ERG: variants seen among roughly 807,000 people sequenced by gnomAD.
ERG encodes the protein ETS transcription factor ERG.
A neutral mutation model predicts 55.3 loss-of-function variants in ERG; 9 were observed. That is an observed-to-expected ratio of 0.16 (90% CI 0.10 to 0.28). The LOEUF (loss-of-function observed/expected upper bound fraction) is 0.28. Ranked by LOEUF, ERG falls within the 10% of genes least tolerant of loss-of-function variation. The pLI is 1.00. For missense variants in ERG, 434 were observed against 631.6 expected (o/e 0.69, Z 3.35); for synonymous variants, 223 against 237.3 (o/e 0.94, Z 0.55).
chr21:38,435,418 T>A (rs1212936228), intron 2 of ERG, among the ~76,000 whole-genome samples: 1 of 152,226 alleles, frequency 6.6e-6, no homozygotes, highest in African/African-American at 2.4e-5. Context: ...ACCCCATGGC[T>A]GGAGCAGCGG....
At chr21:38,527,341 C>T (rs2059637290) in intron 2 of ERG, among the ~76,000 whole-genome samples, 1 of 152,214 alleles carries the variant, frequency 6.6e-6, no homozygotes, top group African/African-American at 2.4e-5. Flanking sequence ...GTATGTGCTA[C>T]GTCCTGGACC....
intron 1 of ERG, among the ~76,000 whole-genome samples, chr21:38,580,550 C>T (rs960706452): frequency 6.6e-6 from 1 of 152,082 alleles, no homozygotes; most frequent in African/African-American, 2.4e-5. Flanking sequence ...TTGTTTCTTG[C>T]AATAAACTCA....
At chr21:38,526,141 G>T (rs147987859) in intron 2 of ERG, among the ~76,000 whole-genome samples, 1 of 152,144 alleles carries the variant, frequency 6.6e-6, no homozygotes, top group Non-Finnish European at 1.5e-5. Context: ...AGGACCACTG[G>T]AGGATGAGGG....
At chr21:38,654,516 C>T (rs1379117150) in intron 1 of ERG, among the ~76,000 whole-genome samples, 1 of 152,214 alleles carries the variant, frequency 6.6e-6, no homozygotes, top group Non-Finnish European at 1.5e-5. Context: ...TTTGATACCT[C>T]AAGTAGTAAT....
At chr21:38,547,038 C>G (rs1301417254) in intron 2 of ERG, among the ~76,000 whole-genome samples, 1 of 152,136 alleles carries the variant, frequency 6.6e-6, no homozygotes, top group Non-Finnish European at 1.5e-5. Context: ...AGGTCACTTC[C>G]TGCCATTTCC....
chr21:38,564,828 A>T (rs1057377056), intron 2 of ERG, among the ~76,000 whole-genome samples: 1 of 151,956 alleles, frequency 6.6e-6, no homozygotes, highest in South Asian at 2.1e-4. Flanking sequence ...GCTCAACCCT[A>T]ATGCTCTTCT....
At chr21:38,606,001 A>G (rs2060194699) in intron 1 of ERG, among the ~76,000 whole-genome samples, 1 of 152,058 alleles carries the variant, frequency 6.6e-6, no homozygotes, top group Admixed American at 6.5e-5. Context: ...TACATAGATG[A>G]TTGATAAGTA....
chr21:38,593,483 G>T (rs1026122013), intron 1 of ERG, among the ~76,000 whole-genome samples: 2 of 152,164 alleles, frequency 1.3e-5, no homozygotes, highest in Non-Finnish European at 2.9e-5. Flanking sequence ...ATATCTTTGA[G>T]AACACAATCT....
At chr21:38,573,410 T>G (rs1947701022) in intron 2 of ERG, among the ~76,000 whole-genome samples, 1 of 152,202 alleles carries the variant, frequency 6.6e-6, no homozygotes, top group Non-Finnish European at 1.5e-5. Context: ...TGTCTCAGTA[T>G]AAAACCCAAT....
At position 38,455,295 on chromosome 21, in the gene ERG, G is replaced by A. The variant is rs371375391; in HGVS notation, c.19-9674C>T. Among the ~76,000 whole-genome samples, 3 of 152,196 alleles carry A rather than the reference G, an allele frequency of 2.0e-5. No individual in the cohort carries two copies. In the South Asian group the frequency reaches 6.2e-4, roughly 32 times the overall value. On this transcript the variant is annotated intron_variant, in intron 1 of 9. Transcript: ENST00000288319. The stretch of plus-strand genomic sequence containing the variant: ...TGAGGAAGTGTTTCCATGGCAGTCT[G>A]GCTAAGAGGTTCACACCATCATTCT...
intron 2 of ERG, among the ~76,000 whole-genome samples, chr21:38,539,636 A>G (rs2059736878): frequency 6.6e-6 from 1 of 152,192 alleles, no homozygotes; most frequent in South Asian, 2.1e-4. Flanking sequence ...TGTATTTTTT[A>G]AGAGGTCATT....
chr21:38,492,011 C>A (rs571989816), intron 1 of ERG, among the ~76,000 whole-genome samples: 210 of 77,006 alleles, frequency 2.7e-3, no homozygotes, highest in Middle Eastern at 7.8e-3. Flanking sequence ...AAGTAACCAG[C>A]GATAATAATT....
At chr21:38,372,068 T>G in the ERG span, among the ~76,000 whole-genome samples, 1 of 152,084 alleles carries the variant, frequency 6.6e-6, no homozygotes, top group African/African-American at 2.4e-5. Flanking sequence ...GTGTCAGTTT[T>G]GCTAGGTTTG....
intron 1 of ERG, among the ~76,000 whole-genome samples, chr21:38,593,957 G>GA (rs1214448252): frequency 6.6e-6 from 1 of 150,612 alleles, no homozygotes; most frequent in Admixed American, 6.6e-5. Context: ...AAAGCATAAA[G>GA]AAAAAAGAAG....
At chr21:38,413,061 T>C (rs1465672519) in intron 3 of ERG, among the ~76,000 whole-genome samples, 4 of 152,194 alleles carry the variant, frequency 2.6e-5, no homozygotes, top group Non-Finnish European at 5.9e-5. Context: ...CAGTTCCAAT[T>C]CTCTGCTTTG....
At chr21:38,520,414 G>T (rs934191274) in intron 2 of ERG, among the ~76,000 whole-genome samples, 2 of 152,168 alleles carry the variant, frequency 1.3e-5, no homozygotes, top group Non-Finnish European at 2.9e-5. Flanking sequence ...AAGTTCAGGG[G>T]CATCCGAGGA....
At chr21:38,454,262 G>A (rs9305649) in intron 1 of ERG, among the ~76,000 whole-genome samples, 138,749 of 152,280 alleles carry the variant, frequency 0.91, 63,317 homozygotes, top group South Asian at 0.98. Flanking sequence ...ATAGGAGACC[G>A]TCTGGTAGAG....
intron 1 of ERG, among the ~76,000 whole-genome samples, chr21:38,464,918 T>C (rs1601442500): frequency 6.6e-6 from 1 of 152,204 alleles, no homozygotes; most frequent in African/African-American, 2.4e-5. Context: ...GGCTGCATGG[T>C]ATTCCATGGT....
intron 1 of ERG, among the ~76,000 whole-genome samples, chr21:38,656,140 G>A (rs922343401): frequency 1.3e-5 from 2 of 152,120 alleles, no homozygotes; most frequent in Non-Finnish European, 2.9e-5. Flanking sequence ...CTGGAGGGGG[G>A]TTCCAGGGAG....
Sources: allele counts gnomAD v4.1 joint callset (sites outside exome capture counted in the v4.1 genomes callset), GRCh38; gene constraint gnomAD v4.1.1; transcripts MANE v1.5; gene names NCBI Gene and HGNC (gene_info 2026-07-23, HGNC 2026-07-21).